CSMD1: variants seen among roughly 807,000 people sequenced by gnomAD.
The protein encoded by CSMD1 is CUB and sushi domain-containing protein 1.
A neutral mutation model predicts 417.5 loss-of-function variants in CSMD1; 213 were observed. That is an observed-to-expected ratio of 0.51 (90% CI 0.46 to 0.57). CSMD1 has a LOEUF of 0.57. Ranked by LOEUF, CSMD1 falls within the 20% of genes least tolerant of loss-of-function variation. The pLI, the probability that CSMD1 is intolerant of heterozygous loss-of-function variation, is 0.00. For synonymous variants in CSMD1, 2,862 were observed against 1,736.8 expected (o/e 1.65, Z -16.11); for missense variants, 6,923 against 4,529.7 (o/e 1.53, Z -15.17).
At chr8:3,109,597 CAGAGCCCAGGTGCATCCT>C (rs1380431835) in intron 43 of CSMD1, among the ~76,000 whole-genome samples, 1 of 152,154 alleles carries the variant, frequency 6.6e-6, no homozygotes, top group Non-Finnish European at 1.5e-5. Context: ...CTCTGCCTGT[CAGAGCCCAGGTGCATCCT>C]CACTGCCCCA....
chr8:3,023,938 C>T (rs932596724), intron 51 of CSMD1, among the ~76,000 whole-genome samples: 3 of 151,840 alleles, frequency 2.0e-5, no homozygotes, highest in Non-Finnish European at 4.4e-5. Flanking sequence ...TCCGTTGGTC[C>T]TGATCCAACA....
intron 5 of CSMD1, among the ~76,000 whole-genome samples, chr8:3,772,167 C>CGT: frequency 2.2e-5 from 1 of 44,872 alleles, no homozygotes; most frequent in South Asian, 8.7e-4. Context: ...GAAAGGGCAA[C>CGT]ATATATATAT....
intron 57 of CSMD1, among the ~76,000 whole-genome samples, 163 bp from the exon 58 acceptor site, chr8:2,966,909 C>G (rs1472474277): frequency 1.3e-5 from 2 of 152,166 alleles, no homozygotes; most frequent in East Asian, 3.9e-4. Flanking sequence ...TACTATGGCT[C>G]ATATGTTTAT....
At chr8:3,572,390 G>C (rs1328827969) in intron 10 of CSMD1, among the ~76,000 whole-genome samples, 1 of 152,110 alleles carries the variant, frequency 6.6e-6, no homozygotes, top group African/African-American at 2.4e-5. Flanking sequence ...GAGGGGCTTG[G>C]AGCAACCTCA....
chr8:4,906,688 C>T lies in CSMD1; in HGVS notation c.85+87644G>A, dbSNP rs571558463. Among the ~76,000 whole-genome samples, 50 of 152,194 alleles carry T rather than the reference C, an allele frequency of 3.3e-4. 1 individual carries two copies. The highest frequency in any genetic ancestry group is 2.3e-3 in the South Asian group (11 of 4,814). On this transcript the variant is annotated intron_variant, in intron 1 of 69. Coordinates refer to ENST00000635120, the MANE Select transcript of CSMD1 (RefSeq NM_033225.6). ...TCTCCTGCCTCAGTCTCCCGAGTAG[C>T]TGGGACTACAGGCGCATGCCACCAT...
intron 5 of CSMD1, among the ~76,000 whole-genome samples, chr8:3,934,220 T>C (rs1283619461): frequency 6.6e-6 from 1 of 152,190 alleles, no homozygotes; most frequent in Non-Finnish European, 1.5e-5. Context: ...TCCTACCTAA[T>C]CAATGATGAA....
chr8:4,132,767 T>C lies in CSMD1; in HGVS notation c.416-100668A>G, dbSNP rs555683641. Among the ~76,000 whole-genome samples the C allele has an allele frequency of 1.1e-3, 170 of 152,232 alleles. 1 individual carries two copies. Among genetic ancestry groups the C allele is most frequent in the South Asian group, 6.4e-3 (31 of 4,820 alleles). On this transcript the variant is annotated intron_variant, in intron 3 of 69. Coordinates refer to ENST00000635120, the MANE Select transcript of CSMD1 (RefSeq NM_033225.6). ...GAGATAGTGTTGATGTTCTCTACAA[T>C]CCGTTTAAAAAGACACAAACTGTGT...
intron 5 of CSMD1, among the ~76,000 whole-genome samples, chr8:3,852,838 C>G (rs1310227895): frequency 1.3e-5 from 2 of 152,152 alleles, no homozygotes; most frequent in Admixed American, 6.5e-5. Context: ...TGTAACCCAC[C>G]AGGGATTCCT....
chr8:4,944,347 T>G (rs546448436), intron 1 of CSMD1, among the ~76,000 whole-genome samples: 1 of 152,290 alleles, frequency 6.6e-6, no homozygotes, highest in African/African-American at 2.4e-5. Flanking sequence ...ATCAGTGAGT[T>G]TGGGTTTAAA....
intron 3 of CSMD1, among the ~76,000 whole-genome samples, chr8:4,076,973 T>C (rs980287208): frequency 2.9e-4 from 44 of 152,078 alleles, no homozygotes; most frequent in African/African-American, 1.0e-3. Context: ...CTGAATTATA[T>C]CATCAGAATG....
intron 1 of CSMD1, among the ~76,000 whole-genome samples, chr8:4,658,089 G>C (rs542256888): frequency 6.6e-6 from 1 of 151,920 alleles, no homozygotes; most frequent in African/African-American, 2.4e-5. Context: ...AATAAACAGA[G>C]CTTAAGAAAC....
At chr8:3,486,870 G>C (rs1356662502) in intron 11 of CSMD1, among the ~76,000 whole-genome samples, 1 of 152,170 alleles carries the variant, frequency 6.6e-6, no homozygotes, top group Middle Eastern at 3.2e-3. Flanking sequence ...GTTCTTGGAA[G>C]AGGAAACCCA....
intron 5 of CSMD1, among the ~76,000 whole-genome samples, chr8:3,995,039 T>C (rs1043090856): frequency 1.3e-5 from 2 of 152,170 alleles, no homozygotes; most frequent in African/African-American, 2.4e-5. Flanking sequence ...TCCCTGTCTA[T>C]GCAATTCGGG....
chr8:3,722,094 G>A lies in CSMD1; in HGVS notation c.932-13603C>T, dbSNP rs2623549. Reference sequence around the variant, plus strand: ...AAAGTGGCTCATGCCTGTAATCTCAGCACTTTGGGAGGCCGAGGCAGGTGG... The same window carrying A: ...AAAGTGGCTCATGCCTGTAATCTCAACACTTTGGGAGGCCGAGGCAGGTGG... On this transcript the variant is annotated intron_variant, in intron 6 of 69. Coordinates refer to ENST00000635120, the MANE Select transcript of CSMD1 (RefSeq NM_033225.6). Among the ~76,000 whole-genome samples the A allele has an allele frequency of 4.4e-3, 673 of 152,274 alleles. 16 individuals are homozygous for A. In the East Asian group the frequency reaches 0.073, roughly 16 times the overall value.
At chr8:3,811,309 A>C (rs1042814298) in intron 5 of CSMD1, among the ~76,000 whole-genome samples, 1 of 152,228 alleles carries the variant, frequency 6.6e-6, no homozygotes, top group Non-Finnish European at 1.5e-5. Flanking sequence ...CTAACCTGCT[A>C]TAACCTTCAC....
In CSMD1 at chr8:4,025,179, C is replaced by G. The variant is rs1419192531; in HGVS notation, c.610+6726G>C. ...GTGAGCTCCTGTGAAGAAATGCACC[C>G]CCTCCTGGGGGAGTGTTCTGGATCA... is the stretch of plus-strand genomic sequence containing the variant. On this transcript the variant is annotated intron_variant, in intron 4 of 69. Coordinates refer to ENST00000635120, the MANE Select transcript of CSMD1 (RefSeq NM_033225.6). Among the ~76,000 whole-genome samples the G allele has an allele frequency of 2.0e-5, 3 of 152,212 alleles. No homozygotes were observed. The East Asian group carries it at 5.8e-4, about 29-fold the overall frequency.
intron 54 of CSMD1, among the ~76,000 whole-genome samples, chr8:2,980,418 C>A (rs1331710211): frequency 6.6e-6 from 1 of 151,678 alleles, no homozygotes; most frequent in Non-Finnish European, 1.5e-5. Context: ...CTTGTCCTCT[C>A]CTCCTCCTTT....
intron 1 of CSMD1, among the ~76,000 whole-genome samples, chr8:4,870,973 G>C (rs896315270): frequency 2.6e-5 from 4 of 152,092 alleles, no homozygotes; most frequent in African/African-American, 9.7e-5. Context: ...AGAAGAGTCA[G>C]GGACTCAGGG....
In CSMD1 at chr8:3,861,806, G is replaced by A. The variant is rs191463798; in HGVS notation, c.819-107764C>T. 4.1e-4 allele frequency among the ~76,000 whole-genome samples: 62 copies of A among 152,284 alleles called. No homozygotes were observed. In the East Asian group the frequency reaches 0.01, roughly 25 times the overall value. On this transcript the variant is annotated intron_variant, in intron 5 of 69. Coordinates refer to ENST00000635120, the MANE Select transcript of CSMD1 (RefSeq NM_033225.6). ...GTATCCTGTCTGCTTATCTTTCTAA[G>A]TGTGCCGATTACAGATGTGACCTAT...
Sources: gnomAD v4.1 joint callset for allele counts (sites outside exome capture counted in the v4.1 genomes callset) on GRCh38, gnomAD v4.1.1 for gene constraint, MANE v1.5 for transcripts, NCBI Gene and HGNC (gene_info 2026-07-23, HGNC 2026-07-21) for gene names.